Variants in GRIA1 observed in about 807,000 individuals in gnomAD.
The protein encoded by GRIA1 is glutamate ionotropic receptor AMPA type subunit 1, also known as glutamate receptor 1.
Under a neutral mutation model 99.2 loss-of-function variants are expected in GRIA1, and 31 were observed. The observed-to-expected ratio is 0.31, with a 90% CI of 0.23 to 0.42. The LOEUF is 0.42. Ranked by LOEUF, GRIA1 falls within the 10% of genes least tolerant of loss-of-function variation. The pLI is 1.00. For missense variants in GRIA1, 782 were observed against 1,157.5 expected, an observed-to-expected ratio of 0.68 and a Z score of 4.71; for synonymous variants, 438 against 432.4, an observed-to-expected ratio of 1.01 and a Z score of -0.16.
rs201687983 is a variant in GRIA1 at position 153,577,042 on chromosome 5, GTGGATGGA to G, written c.221-69855_221-69848del. On this transcript the variant is annotated intron_variant, in intron 2 of 15. Transcript: ENST00000285900. ...GATGGATAAGTGGGTAGATGAATGG[GTGGATGGA>G]TGGATGGATGGATGGATGGATGGAT... Among the ~76,000 whole-genome samples the G allele has an allele frequency of 7.3e-3, 762 of 104,302 alleles. 15 individuals carry two copies. Among genetic ancestry groups the G allele is most frequent in the Non-Finnish European group, 8.2e-3 (410 of 49,918 alleles). 68.4% of individuals were successfully genotyped at this position (104,302 alleles called of 152,430 possible).
At chr5:153,752,456 T>C (rs1762564430) in intron 11 of GRIA1, among the ~76,000 whole-genome samples, 1 of 152,226 alleles carries the variant, frequency 6.6e-6, no homozygotes. Context: ...CTATGATATT[T>C]ACACAAGATG....
At position 153,650,720 on chromosome 5, in the gene GRIA1, A is replaced by C. The variant is rs112729280; in HGVS notation, c.645+206A>C. On this transcript the variant is annotated intron_variant, in intron 4 of 15. Coordinates refer to ENST00000285900, the MANE Select transcript of GRIA1 (RefSeq NM_000827.4). ...ATGGGAGCCTTGACATAGGGCTTCAAATGGTTCTCAGACCTGTTAACTCCA... is the reference window on the plus strand; with the variant it reads ...ATGGGAGCCTTGACATAGGGCTTCACATGGTTCTCAGACCTGTTAACTCCA... Among the ~76,000 whole-genome samples the C allele has an allele frequency of 2.6e-5, 4 of 151,534 alleles. No homozygotes were observed. The South Asian group carries it at 8.4e-4, about 32-fold the overall frequency.
At chr5:153,764,322 CA>C (rs2149608103) in intron 11 of GRIA1, 111 bp from the exon 12 acceptor site, 2 of 753,280 alleles carry the variant, frequency 2.7e-6, no homozygotes, top group East Asian at 5.0e-5. Context: ...GAGAAGGGTG[CA>C]ATAGGGCCTG....
chr5:153,544,273 T>C (rs1212761578), intron 2 of GRIA1, among the ~76,000 whole-genome samples: 1 of 152,140 alleles, frequency 6.6e-6, no homozygotes, highest in Non-Finnish European at 1.5e-5. Context: ...CAAGGTGTGA[T>C]GTCCCAGGGG....
At chr5:153,802,805 G>C (rs1434794232) in intron 15 of GRIA1, among the ~76,000 whole-genome samples, 1 of 152,152 alleles carries the variant, frequency 6.6e-6, no homozygotes, top group Admixed American at 6.5e-5. Context: ...GGCTACCAAG[G>C]CTCATTCTCT....
chr5:153,757,278 CA>C (rs1365249442), intron 11 of GRIA1, among the ~76,000 whole-genome samples: 1 of 151,772 alleles, frequency 6.6e-6, no homozygotes, highest in Non-Finnish European at 1.5e-5. Flanking sequence ...TGAAATAGAA[CA>C]AAGAAAGCTT....
At chr5:153,649,491 C>G (rs899512964) in intron 3 of GRIA1, among the ~76,000 whole-genome samples, 25 of 151,968 alleles carry the variant, frequency 1.6e-4, no homozygotes, top group Admixed American at 1.4e-3. Flanking sequence ...GAGTTTCACT[C>G]TTGTCACCCA....
intron 15 of GRIA1, 54 bp downstream of exon 15, chr5:153,802,544 T>G: frequency 6.3e-7 from 1 of 1,589,814 alleles, no homozygotes; most frequent in Non-Finnish European, 8.6e-7. Flanking sequence ...TGCAGCTGGG[T>G]TTCCTGGGAG....
intron 11 of GRIA1, among the ~76,000 whole-genome samples, chr5:153,741,934 T>TAA (rs34742536): frequency 6.2e-4 from 90 of 144,954 alleles, no homozygotes; most frequent in Admixed American, 2.8e-3. Context: ...AAGCTTTTTT[T>TAA]AAAAAAAAAA....
chr5:153,612,963 T>G (rs1766133466), intron 2 of GRIA1, among the ~76,000 whole-genome samples: 1 of 152,172 alleles, frequency 6.6e-6, no homozygotes, highest in Non-Finnish European at 1.5e-5. Context: ...CACTTATTTA[T>G]TTTTTATTTT....
intron 2 of GRIA1, among the ~76,000 whole-genome samples, chr5:153,570,161 C>G (rs1252575839): frequency 6.6e-6 from 1 of 152,154 alleles, no homozygotes; most frequent in Non-Finnish European, 1.5e-5. Flanking sequence ...CTAGGCTTGC[C>G]AAAACCGAGA....
At chr5:153,580,909 C>T (rs1762991322) in intron 2 of GRIA1, among the ~76,000 whole-genome samples, 1 of 152,146 alleles carries the variant, frequency 6.6e-6, no homozygotes, top group Non-Finnish European at 1.5e-5. Flanking sequence ...TTGCACGTGT[C>T]AACATTCTAA....
intron 11 of GRIA1, among the ~76,000 whole-genome samples, chr5:153,763,351 G>T (rs546645933): frequency 1.3e-5 from 2 of 152,288 alleles, no homozygotes; most frequent in Admixed American, 1.3e-4. Flanking sequence ...CTCATGGGTT[G>T]CATTGGTGAT....
chr5:153,509,557 A>G (rs556140349), intron 2 of GRIA1, among the ~76,000 whole-genome samples: 10 of 152,310 alleles, frequency 6.6e-5, no homozygotes, highest in African/African-American at 1.7e-4. Context: ...GAATAAAATT[A>G]TTTGTATTTG....
At chr5:153,584,536 G>A (rs1273482197) in intron 2 of GRIA1, among the ~76,000 whole-genome samples, 2 of 152,182 alleles carry the variant, frequency 1.3e-5, no homozygotes, top group Non-Finnish European at 2.9e-5. Flanking sequence ...CTCAAAGTAA[G>A]CAAATCTAAA....
rs1362036990 is a variant in GRIA1, at chr5:153,811,528, T to A, written c.*303T>A. 3 of 344,862 alleles carry A rather than the reference T, an allele frequency of 8.7e-6. No homozygotes were observed. Among genetic ancestry groups the A allele is most frequent in the Admixed American group, 8.3e-5 (2 of 24,056 alleles). The allele number at this position is 344,862 out of a possible 1,614,324, so 21.4% of individuals were successfully genotyped here. On this transcript the variant is annotated 3_prime_UTR_variant, in exon 16 of 16. Coordinates refer to ENST00000285900, the MANE Select transcript of GRIA1 (RefSeq NM_000827.4). Reference sequence around the variant, plus strand: ...CCTGTGTCTCTGAGAGTAGAGTCACTGGAACACTAATGAGGAAACTGCACT... The same window carrying A: ...CCTGTGTCTCTGAGAGTAGAGTCACAGGAACACTAATGAGGAAACTGCACT...
intron 14 of GRIA1, chr5:153,795,457 AT>A: frequency 1.5e-6 from 2 of 1,308,678 alleles, no homozygotes; most frequent in Non-Finnish European, 2.2e-6. Context: ...TATTTATGTT[AT>A]TTCCCCCCTG....
chr5:153,735,918 A>G (rs185173905), intron 11 of GRIA1, among the ~76,000 whole-genome samples: 290 of 152,332 alleles, frequency 1.9e-3, no homozygotes, highest in South Asian at 3.1e-3. Flanking sequence ...TCAATTTCCA[A>G]CATGTTAGGT....
intron 11 of GRIA1, among the ~76,000 whole-genome samples, chr5:153,760,225 C>G (rs991672089): frequency 6.6e-6 from 1 of 151,998 alleles, no homozygotes; most frequent in African/African-American, 2.4e-5. Context: ...AAATAAAGAA[C>G]ATTCAAATTG....
Sources: allele counts gnomAD v4.1 joint callset (sites outside exome capture counted in the v4.1 genomes callset), GRCh38; gene constraint gnomAD v4.1.1; transcripts MANE v1.5; gene names NCBI Gene and HGNC (gene_info 2026-07-23, HGNC 2026-07-21).